Variants in SREK1IP1 observed in about 807,000 individuals in gnomAD.
SREK1IP1 encodes the protein protein SREK1IP1.
A neutral mutation model predicts 22.8 loss-of-function variants in SREK1IP1; 12 were observed. The ratio of observed to expected loss-of-function variants is 0.53; its 90% CI spans 0.34 to 0.85. SREK1IP1 has a LOEUF of 0.85. SREK1IP1 is among the 40% of genes least tolerant of loss of function. The pLI is 0.02. For missense variants in SREK1IP1, 147 were observed against 171.8 expected (o/e 0.86, Z 0.81); for synonymous variants, 53 against 52.7 (o/e 1.01, Z -0.02).
intron 2 of SREK1IP1, among the ~76,000 whole-genome samples, chr5:64,751,311 G>A (rs190714557): frequency 1.3e-5 from 2 of 152,136 alleles, no homozygotes; most frequent in Non-Finnish European, 2.9e-5. Flanking sequence ...TACTCTATGA[G>A]GAGTCTGTTA....
intron 1 of SREK1IP1, among the ~76,000 whole-genome samples, chr5:64,760,626 C>T (rs1232395451): frequency 6.6e-6 from 1 of 152,180 alleles, no homozygotes; most frequent in Non-Finnish European, 1.5e-5. Flanking sequence ...GAGAAGCAGT[C>T]CAAGCCTCTG....
At chr5:64,756,379 T>C (rs1215553701) in intron 1 of SREK1IP1, among the ~76,000 whole-genome samples, 2 of 152,208 alleles carry the variant, frequency 1.3e-5, no homozygotes, top group Non-Finnish European at 2.9e-5. Context: ...TGAGTTTGTC[T>C]ATTCTAGGTA....
chr5:64,724,281 G>A lies in SREK1IP1; in HGVS notation c.*103C>T. 1 of 1,001,214 alleles carries A rather than the reference G, an allele frequency of 1.0e-6. No homozygotes were observed. Among genetic ancestry groups the A allele is most frequent in the Non-Finnish European group, 1.4e-6 (1 of 695,590 alleles). 62.0% of individuals were successfully genotyped at this position (1,001,214 alleles called of 1,614,324 possible). A position where few individuals can be genotyped will look rare whatever the true frequency, so the allele number is the denominator to read the frequency against. On this transcript the variant is annotated 3_prime_UTR_variant, in exon 5 of 5. Transcript: ENST00000513458. ...TACGAAAAATGTCTATATGGAAAAG[G>A]CTGTGATTTATTGCAAAGCATAATA...
intron 3 of SREK1IP1, among the ~76,000 whole-genome samples, chr5:64,731,667 TTGA>T (rs1219751097): frequency 1.3e-5 from 2 of 152,108 alleles, no homozygotes; most frequent in Non-Finnish European, 2.9e-5. Flanking sequence ...AGACAATATG[TTGA>T]TGATGTCTTG....
At position 64,719,714 on chromosome 5, in the gene SREK1IP1, G is replaced by A. The variant is rs1283829328; in HGVS notation, c.*4670C>T. The A allele has an allele frequency of 1.3e-5, 2 of 152,196 alleles. No individual in the cohort carries two copies. Among genetic ancestry groups the A allele is most frequent in the African/African-American group, 4.8e-5 (2 of 41,442 alleles). The allele number at this position is 152,196 out of a possible 1,614,324, so 9.4% of individuals were successfully genotyped here. A position where few individuals can be genotyped will look rare whatever the true frequency, so the allele number is the denominator to read the frequency against. ...TGCCCCAACTCCTCCCAATTTGTGG[G>A]AAAGGCATAGTGGGGTCAGGCATGA... On this transcript the variant is annotated 3_prime_UTR_variant, in exon 5 of 5. Transcript: ENST00000513458.
At chr5:64,728,729 T>G (rs1742320191) in intron 3 of SREK1IP1, among the ~76,000 whole-genome samples, 1 of 152,172 alleles carries the variant, frequency 6.6e-6, no homozygotes, top group South Asian at 2.1e-4. Flanking sequence ...TTTTTTCACT[T>G]AACATAGCAG....
intron 2 of SREK1IP1, among the ~76,000 whole-genome samples, chr5:64,752,144 G>GTTTTTTTTTTTTTT (rs755420855): frequency 1.4e-4 from 12 of 85,442 alleles, no homozygotes; most frequent in Admixed American, 2.6e-4. Flanking sequence ...TTTTTTTTGT[G>GTTTTTTTTTTTTTT]TGTTTTTTTT....
chr5:64,754,012 A>C (rs1742792303), intron 2 of SREK1IP1, among the ~76,000 whole-genome samples: 2 of 152,220 alleles, frequency 1.3e-5, no homozygotes, highest in African/African-American at 2.4e-5. Context: ...GAAAAGAATA[A>C]GTATGTATAT....
chr5:64,757,718 A>G (rs999793069), intron 1 of SREK1IP1, among the ~76,000 whole-genome samples: 2 of 152,146 alleles, frequency 1.3e-5, no homozygotes, highest in African/African-American at 4.8e-5. Context: ...CACAACTCAC[A>G]AACTGCAACT....
intron 1 of SREK1IP1, among the ~76,000 whole-genome samples, chr5:64,762,558 T>C (rs1172470906): frequency 2.0e-5 from 3 of 152,144 alleles, no homozygotes; most frequent in Non-Finnish European, 4.4e-5. Flanking sequence ...ACCATTTATA[T>C]TAAAAATTCA....
chr5:64,761,921 A>G (rs947737886), intron 1 of SREK1IP1, among the ~76,000 whole-genome samples: 2 of 152,260 alleles, frequency 1.3e-5, no homozygotes, highest in African/African-American at 4.8e-5. Flanking sequence ...AAGAAACAGA[A>G]AATATTGAGA....
chr5:64,745,911 T>C (rs565837305), intron 2 of SREK1IP1, among the ~76,000 whole-genome samples: 153 of 152,288 alleles, frequency 1.0e-3, no homozygotes, highest in Non-Finnish European at 1.8e-3. Flanking sequence ...CTAAATGTTC[T>C]TACAGCAAAC....
intron 4 of SREK1IP1, among the ~76,000 whole-genome samples, chr5:64,726,231 C>T (rs997010893): frequency 6.6e-6 from 1 of 152,006 alleles, no homozygotes; most frequent in African/African-American, 2.4e-5. Context: ...TCAGGGGGCA[C>T]TATCTCTGCT....
At chr5:64,724,940 T>C (rs1429302910) in intron 4 of SREK1IP1, among the ~76,000 whole-genome samples, 2 of 152,162 alleles carry the variant, frequency 1.3e-5, no homozygotes, top group Non-Finnish European at 2.9e-5. Flanking sequence ...GTGTATACAA[T>C]AACTTCGCAT....
intron 3 of SREK1IP1, among the ~76,000 whole-genome samples, chr5:64,729,178 T>C (rs1469338888): frequency 6.6e-6 from 1 of 152,214 alleles, no homozygotes; most frequent in Non-Finnish European, 1.5e-5. Context: ...ACGCTTTCAT[T>C]TATTCAACAA....
chr5:64,728,113 C>CTTT lies in SREK1IP1; in HGVS notation c.269_271dup (p.Lys90dup). On this transcript the variant is annotated inframe_insertion, in exon 4 of 5. Coordinates refer to ENST00000513458, the MANE Select transcript of SREK1IP1 (RefSeq NM_173829.4). ...AATGTTGTTCAAAAAATACCTTTTCCTTTTTTTTTTCAATTTGATTTTTTC... is the reference window on the plus strand; with the variant it reads ...AATGTTGTTCAAAAAATACCTTTTCCTTTTTTTTTTTTTCAATTTGATTTTTTC... 1 of 1,221,808 alleles carries CTTT rather than the reference C, an allele frequency of 8.2e-7. No individual in the cohort carries two copies. The highest frequency in any genetic ancestry group is 1.1e-6 in the Non-Finnish European group (1 of 937,698). 75.7% of individuals were successfully genotyped at this position (1,221,808 alleles called of 1,614,324 possible). A position where few individuals can be genotyped will look rare whatever the true frequency, so the allele number is the denominator to read the frequency against.
chr5:64,726,419 C>CA (rs1446572561), intron 4 of SREK1IP1, among the ~76,000 whole-genome samples: 3 of 151,368 alleles, frequency 2.0e-5, no homozygotes, highest in South Asian at 4.2e-4. Context: ...ACTAAAAATA[C>CA]AAAAAAATTA....
chr5:64,738,688 G>A (rs1022003637), intron 3 of SREK1IP1, among the ~76,000 whole-genome samples: 3 of 152,070 alleles, frequency 2.0e-5, no homozygotes, highest in African/African-American at 7.2e-5. Context: ...ATGCATATAT[G>A]ATGAACTGAC....
At chr5:64,750,231 TCTGA>T (rs1466241292) in intron 2 of SREK1IP1, among the ~76,000 whole-genome samples, 1 of 152,216 alleles carries the variant, frequency 6.6e-6, no homozygotes, top group Non-Finnish European at 1.5e-5. Flanking sequence ...AATATTAAAC[TCTGA>T]CTGTGTCTTT....
Sources: allele counts gnomAD v4.1 joint callset (sites outside exome capture counted in the v4.1 genomes callset), GRCh38; gene constraint gnomAD v4.1.1; transcripts MANE v1.5; gene names NCBI Gene and HGNC (gene_info 2026-07-23, HGNC 2026-07-21).